The following AHCYL2 variants were observed in gnomAD, a reference collection of about 807,000 sequenced individuals.
AHCYL2 encodes adenosylhomocysteinase like 2.
A neutral mutation model predicts 81.4 loss-of-function variants in AHCYL2; 28 were observed. The observed-to-expected ratio is 0.34, with a 90% CI of 0.25 to 0.47. The LOEUF (loss-of-function observed/expected upper bound fraction) is 0.47. Among genes scored for constraint, AHCYL2 ranks in the 20% least tolerant of loss-of-function variants. The probability of loss-of-function intolerance (pLI) is 1.00; values close to 1 mark genes in which losing one functional copy is unlikely to be tolerated. For synonymous variants in AHCYL2, 272 were observed against 290.2 expected, an observed-to-expected ratio of 0.94 and a Z score of 0.64; for missense variants, 551 against 785.1, an observed-to-expected ratio of 0.70 and a Z score of 3.56.
intron 1 of AHCYL2, among the ~76,000 whole-genome samples, chr7:129,279,471 A>C (rs916788893): frequency 1.3e-5 from 2 of 152,052 alleles, no homozygotes; most frequent in Non-Finnish European, 2.9e-5. Context: ...TCGATGTTTC[A>C]TGTTCCATGT....
intron 1 of AHCYL2, among the ~76,000 whole-genome samples, chr7:129,300,951 G>C (rs771220128): frequency 6.6e-6 from 1 of 152,098 alleles, no homozygotes; most frequent in African/African-American, 2.4e-5. Flanking sequence ...TCCTGCCTTG[G>C]CCTGCCAAGT....
At chr7:129,270,869 G>A (rs193178499) in intron 1 of AHCYL2, among the ~76,000 whole-genome samples, 1 of 152,320 alleles carries the variant, frequency 6.6e-6, no homozygotes, top group East Asian at 1.9e-4. Flanking sequence ...GTTACCTGGG[G>A]TTGTCTTCAC....
At chr7:129,256,938 A>G (rs1237016552) in intron 1 of AHCYL2, among the ~76,000 whole-genome samples, 1 of 152,090 alleles carries the variant, frequency 6.6e-6, no homozygotes, top group Non-Finnish European at 1.5e-5. Flanking sequence ...ATTTATAAAT[A>G]ATAAAATTTT....
intron 1 of AHCYL2, among the ~76,000 whole-genome samples, chr7:129,356,190 T>C (rs942240729): frequency 2.6e-5 from 4 of 152,220 alleles, no homozygotes; most frequent in African/African-American, 9.6e-5. Context: ...ATCCAGACTT[T>C]AACCATTTTC....
At chr7:129,369,499 G>A (rs1468369837) in intron 1 of AHCYL2, among the ~76,000 whole-genome samples, 2 of 151,932 alleles carry the variant, frequency 1.3e-5, no homozygotes, top group Non-Finnish European at 2.9e-5. Flanking sequence ...TATTGTTTTG[G>A]GGGAGGTTAT....
rs1794235287 is a variant in AHCYL2 at position 129,368,911 on chromosome 7, A to G, written c.364-10727A>G. Among the ~76,000 whole-genome samples the G allele has an allele frequency of 6.6e-6, 1 of 152,160 alleles. No homozygotes were observed. The highest frequency in any genetic ancestry group is 1.5e-5 in the Non-Finnish European group (1 of 68,022). ...TTTGTTTCTCTGGGGGTAAAGAAAA[A>G]GAACAATGAGGAGAAAAAACAAAAA... is the stretch of plus-strand genomic sequence containing the variant. On this transcript the variant is annotated intron_variant, in intron 1 of 16. Transcript: ENST00000325006. This position sits in a 1 kb window ranked among gnomAD's most constrained non-coding sequence, Gnocchi z 4.4.
intron 1 of AHCYL2, among the ~76,000 whole-genome samples, chr7:129,374,326 C>T (rs989531244): frequency 6.6e-6 from 1 of 152,082 alleles, no homozygotes; most frequent in African/African-American, 2.4e-5. Flanking sequence ...TAGAGTTAAA[C>T]TTTCCTGCTT....
At chr7:129,267,965 G>GT (rs1795875698) in intron 1 of AHCYL2, among the ~76,000 whole-genome samples, 1 of 152,048 alleles carries the variant, frequency 6.6e-6, no homozygotes. Context: ...CATATGATCT[G>GT]TTTTAAGAAA....
chr7:129,290,393 CG>C (rs1796797985), intron 1 of AHCYL2, among the ~76,000 whole-genome samples: 1 of 150,920 alleles, frequency 6.6e-6, no homozygotes, highest in African/African-American at 2.4e-5. Context: ...CCCAGCTACT[CG>C]GGAGGCTGAG....
At chr7:129,375,896 T>A in intron 1 of AHCYL2, 1 of 1,536,076 alleles carries the variant, frequency 6.5e-7, no homozygotes, top group Non-Finnish European at 8.7e-7. Flanking sequence ...AGAAATACAT[T>A]GTTAATGGCA....
At chr7:129,371,762 T>G (rs1373644042) in intron 1 of AHCYL2, among the ~76,000 whole-genome samples, 1 of 152,244 alleles carries the variant, frequency 6.6e-6, no homozygotes, top group Non-Finnish European at 1.5e-5. Context: ...TCTGTACTTT[T>G]CCATAGGAAA....
chr7:129,347,800 A>G lies in AHCYL2; in HGVS notation c.364-31838A>G, dbSNP rs185413604. On this transcript the variant is annotated intron_variant, in intron 1 of 16. Transcript: ENST00000325006. ...CAACCCCCACAATTAAAAGGCGTTT[A>G]TTTCACTATTCTAAGGAATATTTGA... is the stretch of plus-strand genomic sequence containing the variant. Among the ~76,000 whole-genome samples, 268 of 152,308 alleles carry G rather than the reference A, an allele frequency of 1.8e-3. 3 individuals carry two copies. In the Middle Eastern group the frequency reaches 0.048, roughly 27 times the overall value.
chr7:129,225,917 A>G (rs2150667488), intron 1 of AHCYL2, among the ~76,000 whole-genome samples: 1 of 152,326 alleles, frequency 6.6e-6, no homozygotes, highest in African/African-American at 2.4e-5. Flanking sequence ...TGGTTTCCAT[A>G]CAGTTGATGA....
chr7:129,306,665 C>T (rs1375421826), intron 1 of AHCYL2, among the ~76,000 whole-genome samples: 1 of 152,088 alleles, frequency 6.6e-6, no homozygotes, highest in Non-Finnish European at 1.5e-5. Context: ...TTGTCAGTGT[C>T]TGGGCATTGA....
chr7:129,375,650 G>T, intron 1 of AHCYL2: 1 of 1,374,420 alleles, frequency 7.3e-7, no homozygotes, highest in Non-Finnish European at 9.4e-7. Flanking sequence ...AGGAATGGCT[G>T]TTGAGCCACT....
intron 2 of AHCYL2, among the ~76,000 whole-genome samples, chr7:129,383,678 A>G (rs373234841): frequency 1.3e-5 from 2 of 151,716 alleles, no homozygotes; most frequent in South Asian, 4.2e-4. Flanking sequence ...TCACCTCTCT[A>G]CTTCCCCAAA....
chr7:129,358,418 AG>A (rs1351554072), intron 1 of AHCYL2, among the ~76,000 whole-genome samples: 1 of 152,150 alleles, frequency 6.6e-6, no homozygotes, highest in African/African-American at 2.4e-5. Flanking sequence ...AAAAACAAAA[AG>A]GAATGAAATT....
At chr7:129,269,898 T>A (rs556816141) in intron 1 of AHCYL2, among the ~76,000 whole-genome samples, 38 of 152,352 alleles carry the variant, frequency 2.5e-4, no homozygotes, top group African/African-American at 8.9e-4. Context: ...AAATATATTC[T>A]TTATTGATAT....
At chr7:129,279,463 GATGTTTCATGTTCC>G (rs1326516937) in intron 1 of AHCYL2, among the ~76,000 whole-genome samples, 2 of 152,096 alleles carry the variant, frequency 1.3e-5, no homozygotes, top group African/African-American at 4.8e-5. Context: ...CCAATGTATC[GATGTTTCATGTTCC>G]ATGTTTCATG....
Sources: gnomAD v4.1 joint callset for allele counts (sites outside exome capture counted in the v4.1 genomes callset) on GRCh38, gnomAD v4.1.1 for gene constraint, Gnocchi (gnomAD v3.1) non-coding constraint, MANE v1.5 for transcripts, NCBI Gene and HGNC (gene_info 2026-07-23, HGNC 2026-07-21) for gene names.